Variants in IL1RAPL2 observed in about 807,000 individuals in gnomAD.
IL1RAPL2 encodes X-linked interleukin-1 receptor accessory protein-like 2.
IL1RAPL2 carries 3 observed loss-of-function variants against 44.1 expected under a neutral mutation model. The ratio of observed to expected loss-of-function variants is 0.07; its 90% CI spans 0.03 to 0.18. IL1RAPL2 has a LOEUF of 0.18. Among genes scored for constraint, IL1RAPL2 ranks in the 10% least tolerant of loss-of-function variants. The pLI is 1.00. For missense variants in IL1RAPL2, 391 were observed against 496.4 expected, an observed-to-expected ratio of 0.79 and a Z score of 2.02; for synonymous variants, 181 against 178.8, an observed-to-expected ratio of 1.01 and a Z score of -0.10.
intron 2 of IL1RAPL2, among the ~76,000 whole-genome samples, chrX:105,034,689 G>A (rs2031588669): frequency 8.9e-6 from 1 of 112,394 alleles, no homozygotes. Context: ...TCTGGGGTCA[G>A]GGACCCACTT....
intron 5 of IL1RAPL2, among the ~76,000 whole-genome samples, chrX:105,419,650 A>G (rs931776574): frequency 1.8e-5 from 2 of 112,231 alleles, no homozygotes; most frequent in Admixed American, 1.9e-4. Context: ...CAAGGGAGCA[A>G]TGCAAGTATC....
chrX:105,586,708 G>A (rs746285061), intron 6 of IL1RAPL2, among the ~76,000 whole-genome samples: 4 of 111,974 alleles, frequency 3.6e-5, no homozygotes, highest in African/African-American at 1.3e-4. Flanking sequence ...CTCCATTTTG[G>A]TGGTTGGTTC....
intron 5 of IL1RAPL2, among the ~76,000 whole-genome samples, chrX:105,450,475 C>G (rs564624218): frequency 1.8e-5 from 2 of 111,603 alleles, no homozygotes; most frequent in South Asian, 7.6e-4. Context: ...TTGATTGTTT[C>G]TAATTCAGTC....
chrX:105,453,700 C>A (rs2036035411), intron 5 of IL1RAPL2, among the ~76,000 whole-genome samples: 1 of 111,741 alleles, frequency 8.9e-6, no homozygotes. Flanking sequence ...TCCTCTAGGG[C>A]AAGGAAAATA....
At chrX:105,193,459 A>G (rs951228931) in intron 2 of IL1RAPL2, among the ~76,000 whole-genome samples, 4 of 111,970 alleles carry the variant, frequency 3.6e-5, no homozygotes, top group African/African-American at 1.3e-4. Flanking sequence ...GTTTTAATGC[A>G]TGCAAACAGT....
At chrX:105,444,533 T>A in intron 5 of IL1RAPL2, among the ~76,000 whole-genome samples, 1 of 111,827 alleles carries the variant, frequency 8.9e-6, no homozygotes, top group East Asian at 2.8e-4. Flanking sequence ...GTGAGAGGCA[T>A]CATGTTTCAT....
chrX:105,044,162 CT>C (rs1215551453), intron 2 of IL1RAPL2, among the ~76,000 whole-genome samples: 1 of 111,025 alleles, frequency 9.0e-6, no homozygotes. Flanking sequence ...GTCTTTGCAT[CT>C]GAGAGATTCA....
At chrX:105,739,246 G>T (rs1185681189) in intron 7 of IL1RAPL2, among the ~76,000 whole-genome samples, 1 of 109,743 alleles carries the variant, frequency 9.1e-6, no homozygotes, top group Non-Finnish European at 1.9e-5. Flanking sequence ...GGAACCCAGT[G>T]TTTCCTCCTT....
At chrX:105,196,260 C>T (rs1252863952) in intron 3 of IL1RAPL2, among the ~76,000 whole-genome samples, 2 of 110,411 alleles carry the variant, frequency 1.8e-5, no homozygotes, top group African/African-American at 6.6e-5. Context: ...CCAGCCTGGG[C>T]AACAGAGCAA....
intron 2 of IL1RAPL2, among the ~76,000 whole-genome samples, chrX:104,793,880 G>A (rs963402459): frequency 9.0e-6 from 1 of 111,332 alleles, no homozygotes; most frequent in Non-Finnish European, 1.9e-5. Flanking sequence ...ACAGTTTGGT[G>A]TTCTTGGCCA....
At chrX:104,734,778 C>A (rs1931984149) in intron 2 of IL1RAPL2, among the ~76,000 whole-genome samples, 1 of 111,061 alleles carries the variant, frequency 9.0e-6, no homozygotes, top group Non-Finnish European at 1.9e-5. Flanking sequence ...GTCAATTTTA[C>A]TGTATATTAA....
At chrX:104,804,929 T>A (rs1354550737) in intron 2 of IL1RAPL2, among the ~76,000 whole-genome samples, 1 of 112,062 alleles carries the variant, frequency 8.9e-6, no homozygotes, top group Non-Finnish European at 1.9e-5. Flanking sequence ...AGAAGAGGTG[T>A]CATGAGACAA....
intron 2 of IL1RAPL2, among the ~76,000 whole-genome samples, chrX:104,943,121 C>T (rs892372107): frequency 9.0e-6 from 1 of 111,165 alleles, no homozygotes; most frequent in African/African-American, 3.3e-5. Context: ...GATTTTTCAT[C>T]GATGTTCATC....
rs375364495 is a variant in IL1RAPL2, at chrX:104,849,355, A to AATATATAT, written c.82+190365_82+190372dup. Among the ~76,000 whole-genome samples the AATATATAT allele has an allele frequency of 4.4e-4, 30 of 68,701 alleles. 2 individuals are homozygous for AATATATAT. Among genetic ancestry groups the AATATATAT allele is most frequent in the South Asian group, 1.1e-3 (2 of 1,795 alleles). 59.7% of individuals were successfully genotyped at this position (68,701 alleles called of 115,157 possible). On this transcript the variant is annotated intron_variant, in intron 2 of 10. Transcript: ENST00000372582. ...GTGAGCCACCATGCTTGAACTATAT[A>AATATATAT]ATATATATATATGGATTACTTACGG...
intron 2 of IL1RAPL2, among the ~76,000 whole-genome samples, chrX:104,774,513 G>C (rs1266149383): frequency 9.0e-6 from 1 of 111,646 alleles, no homozygotes; most frequent in African/African-American, 3.3e-5. Context: ...CCAGTGCCTA[G>C]ATCTATGTCT....
intron 2 of IL1RAPL2, among the ~76,000 whole-genome samples, chrX:105,083,156 A>C (rs1427659094): frequency 9.0e-6 from 1 of 111,248 alleles, no homozygotes; most frequent in Admixed American, 9.6e-5. Context: ...CATGAAGCAT[A>C]CACAATTATC....
chrX:105,545,325 G>A (rs1183911324), intron 6 of IL1RAPL2, among the ~76,000 whole-genome samples: 1 of 111,831 alleles, frequency 8.9e-6, no homozygotes, highest in East Asian at 2.8e-4. Flanking sequence ...AGTTTCACTG[G>A]ATATAGAATT....
chrX:104,810,045 A>G (rs1212486685), intron 2 of IL1RAPL2, among the ~76,000 whole-genome samples: 2 of 111,029 alleles, frequency 1.8e-5, no homozygotes, highest in African/African-American at 6.6e-5. Flanking sequence ...CTGGATTAAG[A>G]AAATGTGGCA....
At chrX:105,145,308 T>C (rs1244896331) in intron 2 of IL1RAPL2, among the ~76,000 whole-genome samples, 1 of 111,546 alleles carries the variant, frequency 9.0e-6, no homozygotes, top group Non-Finnish European at 1.9e-5. Context: ...ATCTGTTTTG[T>C]ACATGTCAAA....
Sources: allele counts gnomAD v4.1 joint callset (sites outside exome capture counted in the v4.1 genomes callset), GRCh38; gene constraint gnomAD v4.1.1; transcripts MANE v1.5; gene names NCBI Gene and HGNC (gene_info 2026-07-23, HGNC 2026-07-21).